Variants in GNG7 observed in about 807,000 individuals in gnomAD.
GNG7 encodes the protein guanine nucleotide-binding protein G(I)/G(S)/G(O) subunit gamma-7.
Under a neutral mutation model 4.0 loss-of-function variants are expected in GNG7, and 1 was observed. The ratio of observed to expected loss-of-function variants is 0.25; its 90% CI spans 0.09 to 1.18. The LOEUF is 1.18. Ranked by LOEUF, GNG7 falls within the 50% of genes most tolerant of loss-of-function variation. The pLI is 0.50. For missense variants in GNG7, 86 were observed against 91.9 expected, an observed-to-expected ratio of 0.94 and a Z score of 0.26; for synonymous variants, 34 against 36.9, an observed-to-expected ratio of 0.92 and a Z score of 0.29.
At chr19:2,577,466 G>A (rs966418074) in intron 2 of GNG7, among the ~76,000 whole-genome samples, 3 of 152,020 alleles carry the variant, frequency 2.0e-5, no homozygotes, top group Admixed American at 6.6e-5. Flanking sequence ...ACCCTCCTCG[G>A]GCCTTCTCGC....
chr19:2,542,368 G>A (rs1391792673), intron 3 of GNG7, among the ~76,000 whole-genome samples: 1 of 151,912 alleles, frequency 6.6e-6, no homozygotes, highest in South Asian at 2.1e-4. Flanking sequence ...CACCCACCGC[G>A]GCCTCCCAAA....
chr19:2,520,745 G>T lies in GNG7; in HGVS notation c.-37-20C>A. 3.6e-6 allele frequency: 4 copies of T among 1,099,284 alleles called. No individual in the cohort carries two copies. Among genetic ancestry groups the T allele is most frequent in the South Asian group, 1.3e-5 (1 of 74,820 alleles). The allele number at this position is 1,099,284 out of a possible 1,614,324, so 68.1% of individuals were successfully genotyped here. Reference sequence around the variant, plus strand: ...AGAGAGCTGTGGGGGAAGCAGAGGGGTGTGGGTCAAAGTTCAGGTCAGGCC... The same window carrying T: ...AGAGAGCTGTGGGGGAAGCAGAGGGTTGTGGGTCAAAGTTCAGGTCAGGCC... On this transcript the variant is annotated intron_variant, in intron 3 of 4. Transcript: ENST00000382159.
chr19:2,680,573 T>A (rs913870026), intron 1 of GNG7, among the ~76,000 whole-genome samples: 2 of 129,872 alleles, frequency 1.5e-5, no homozygotes, highest in South Asian at 2.2e-4. Context: ...AATTTACAAT[T>A]TTTTTTTTTT....
chr19:2,661,499 A>G (rs1225955406), intron 1 of GNG7, among the ~76,000 whole-genome samples: 2 of 151,600 alleles, frequency 1.3e-5, no homozygotes, highest in African/African-American at 4.8e-5. Flanking sequence ...TCTCTACTAA[A>G]AAAAAATATA....
chr19:2,696,290 GAGAGAAAGAAAGAAAGAAAGAAAGAA>G (rs1181378671), intron 1 of GNG7, among the ~76,000 whole-genome samples: 3 of 126,820 alleles, frequency 2.4e-5, no homozygotes, highest in African/African-American at 9.2e-5. Context: ...AAAAGAGAGA[GAGAGAAAGAAAGAAAGAAAGAAAGAA>G]AGAAAGAAAG....
intron 3 of GNG7, among the ~76,000 whole-genome samples, chr19:2,539,428 C>G (rs192761785): frequency 9.2e-5 from 14 of 151,952 alleles, no homozygotes; most frequent in Admixed American, 8.5e-4. Flanking sequence ...CCTCAGCCTC[C>G]CGAGCAGCTG....
Position 2,514,834 on chromosome 19 carries a change from C to T in GNG7, c.*188G>A, listed in dbSNP as rs900954499. 2 of 550,738 alleles carry T rather than the reference C, an allele frequency of 3.6e-6. No individual in the cohort carries two copies. The highest frequency in any genetic ancestry group is 3.8e-5 in the African/African-American group (2 of 52,752). The allele number at this position is 550,738 out of a possible 1,614,324, so 34.1% of individuals were successfully genotyped here. On this transcript the variant is annotated 3_prime_UTR_variant, in exon 5 of 5. Transcript: ENST00000382159. ...CTCCACCTACAAGGTCCATTCTACC[C>T]CATCCGGGCGGTGGGAACGCCTTTT...
Position 2,633,163 on chromosome 19 carries a change from C to T in GNG7, c.-78+13061G>A, listed in dbSNP as rs1982207544. Among the ~76,000 whole-genome samples the T allele has an allele frequency of 6.6e-6, 1 of 152,294 alleles. No individual in the cohort carries two copies. The highest frequency in any genetic ancestry group is 2.1e-4 in the South Asian group (1 of 4,828). On this transcript the variant is annotated intron_variant, in intron 2 of 4. Coordinates refer to ENST00000382159, the MANE Select transcript of GNG7 (RefSeq NM_052847.3). The surrounding 1 kb of genome is among the most constrained non-coding windows in gnomAD (Gnocchi z 5.9). ...GTGCTGGTTCACTAAAACGATGAAGCGGATGGGAGGAAAATTAGCATCCAA... is the reference window on the plus strand; with the variant it reads ...GTGCTGGTTCACTAAAACGATGAAGTGGATGGGAGGAAAATTAGCATCCAA...
rs1288262659 is a variant in GNG7 at position 2,618,014 on chromosome 19, A to G, written c.-78+28210T>C. Among the ~76,000 whole-genome samples, 1 of 151,426 alleles carries G rather than the reference A, an allele frequency of 6.6e-6. No individual in the cohort carries two copies. The highest frequency in any genetic ancestry group is 2.0e-4 in the East Asian group (1 of 5,098). ...AGATTACAGGCGTGACTATTTCCTT[A>G]TCTTCTAAGACCCTCTGTTTGGTTT... On this transcript the variant is annotated intron_variant, in intron 2 of 4. Coordinates refer to ENST00000382159, the MANE Select transcript of GNG7 (RefSeq NM_052847.3). This position sits in a 1 kb window ranked among gnomAD's most constrained non-coding sequence, Gnocchi z 5.1.
At chr19:2,659,247 A>G (rs952198275) in intron 1 of GNG7, among the ~76,000 whole-genome samples, 23 of 149,428 alleles carry the variant, frequency 1.5e-4, no homozygotes, top group East Asian at 2.1e-4. Flanking sequence ...GGGATGACAG[A>G]CGTGAGCCAC....
At chr19:2,604,103 G>GC (rs1395058219) in intron 2 of GNG7, among the ~76,000 whole-genome samples, 2 of 151,780 alleles carry the variant, frequency 1.3e-5, no homozygotes, top group Non-Finnish European at 2.9e-5. Context: ...ACCCGCCTCG[G>GC]CCCCCCAAAG....
At chr19:2,541,073 C>T (rs1051071697) in intron 3 of GNG7, among the ~76,000 whole-genome samples, 3 of 152,252 alleles carry the variant, frequency 2.0e-5, no homozygotes, top group East Asian at 1.9e-4. Flanking sequence ...AGGGACTTTA[C>T]CGAGCGGCTC....
At chr19:2,659,367 TCAGGAGTTTGA>T (rs1352382138) in intron 1 of GNG7, among the ~76,000 whole-genome samples, 1 of 149,738 alleles carries the variant, frequency 6.7e-6, no homozygotes, top group East Asian at 2.0e-4. Context: ...TCACCTGAGG[TCAGGAGTTTGA>T]CAGGAGTTTG....
Position 2,633,479 on chromosome 19 carries a change from GCGCGCGCGCA to G in GNG7, c.-78+12735_-78+12744del, listed in dbSNP as rs1343009060. Among the ~76,000 whole-genome samples the G allele has an allele frequency of 0.017, 1,247 of 73,364 alleles. 9 individuals carry two copies. Among genetic ancestry groups the G allele is most frequent in the African/African-American group, 0.063 (1,190 of 18,992 alleles). 48.1% of individuals were successfully genotyped at this position (73,364 alleles called of 152,430 possible). ...CGGTTGCTTAGCAACAGGCGCGCGC[GCGCGCGCGCA>G]CACACACACACACACACACACACAC... On this transcript the variant is annotated intron_variant, in intron 2 of 4. Transcript: ENST00000382159. The surrounding 1 kb of genome is among the most constrained non-coding windows in gnomAD (Gnocchi z 5.9).
Position 2,624,043 on chromosome 19 carries a change from A to G in GNG7, c.-78+22181T>C, listed in dbSNP as rs539690137. The stretch of plus-strand genomic sequence containing the variant: ...CAAGGGAAGCAGGATGGGGGGTGCC[A>G]AGGGCTGGGAAGGGGACGGGGAGCA... On this transcript the variant is annotated intron_variant, in intron 2 of 4. Coordinates refer to ENST00000382159, the MANE Select transcript of GNG7 (RefSeq NM_052847.3). Among the ~76,000 whole-genome samples, 7 of 152,156 alleles carry G rather than the reference A, an allele frequency of 4.6e-5. No homozygotes were observed. In the South Asian group the frequency reaches 1.2e-3, roughly 27 times the overall value.
In GNG7 at chr19:2,653,115, A is replaced by C. The variant is rs1982873564; in HGVS notation, c.-134-6835T>G. On this transcript the variant is annotated intron_variant, in intron 1 of 4. Coordinates refer to ENST00000382159, the MANE Select transcript of GNG7 (RefSeq NM_052847.3). This position sits in a 1 kb window ranked among gnomAD's most constrained non-coding sequence, Gnocchi z 4.8. Reference sequence around the variant, plus strand: ...CAAATAAATAAATCAAAATAAAATAAAATAAATAATAGAAACTGAAAACAA... The same window carrying C: ...CAAATAAATAAATCAAAATAAAATACAATAAATAATAGAAACTGAAAACAA... Among the ~76,000 whole-genome samples the C allele has an allele frequency of 6.6e-6, 1 of 152,136 alleles. No individual in the cohort carries two copies. The highest frequency in any genetic ancestry group is 2.1e-4 in the South Asian group (1 of 4,828).
intron 2 of GNG7, among the ~76,000 whole-genome samples, chr19:2,606,965 A>G (rs1981403136): frequency 6.6e-6 from 1 of 152,014 alleles, no homozygotes; most frequent in Admixed American, 6.6e-5. Context: ...TCATGCCTGT[A>G]ATCCCAGCAC....
chr19:2,587,813 C>A (rs1324622083), intron 2 of GNG7, among the ~76,000 whole-genome samples: 2 of 150,614 alleles, frequency 1.3e-5, no homozygotes, highest in African/African-American at 4.9e-5. Flanking sequence ...TGCACTCCAG[C>A]CTGGGCGACA....
intron 2 of GNG7, among the ~76,000 whole-genome samples, chr19:2,587,227 C>T (rs1005762074): frequency 6.6e-5 from 10 of 152,040 alleles, no homozygotes; most frequent in Admixed American, 2.0e-4. Context: ...ATCACCAGAT[C>T]GTCCCTGAGC....
Sources: allele counts gnomAD v4.1 joint callset (sites outside exome capture counted in the v4.1 genomes callset), GRCh38; gene constraint gnomAD v4.1.1; non-coding constraint Gnocchi (gnomAD v3.1); transcripts MANE v1.5; gene names NCBI Gene and HGNC (gene_info 2026-07-23, HGNC 2026-07-21).